NONO: variants seen among roughly 807,000 people sequenced by gnomAD.
The protein encoded by NONO is non-POU domain-containing octamer-binding protein.
Under a neutral mutation model 40.2 loss-of-function variants are expected in NONO, and 6 were observed. That is an observed-to-expected ratio of 0.15 (90% CI 0.08 to 0.29). The LOEUF (loss-of-function observed/expected upper bound fraction) is 0.29. NONO is among the 10% of genes least tolerant of loss of function. The pLI is 1.00. For synonymous variants in NONO, 89 were observed against 123.3 expected, an observed-to-expected ratio of 0.72 and a Z score of 1.85; for missense variants, 133 against 397.8, an observed-to-expected ratio of 0.33 and a Z score of 5.66.
Position 71,300,366 on chromosome X carries a change from C to A in NONO, c.*290C>A. 3.1e-6 allele frequency: 1 copy of A among 326,752 alleles called. No individual in the cohort carries two copies. The highest frequency in any genetic ancestry group is 9.0e-4 in the Middle Eastern group (1 of 1,114). 26.9% of individuals were successfully genotyped at this position (326,752 alleles called of 1,213,427 possible). ...ATGGCAAAGTGGATCCAGTTAGAGCCCATTAATCTTGATCATTCCGGTTTT... is the reference window on the plus strand; with the variant it reads ...ATGGCAAAGTGGATCCAGTTAGAGCACATTAATCTTGATCATTCCGGTTTT... On this transcript the variant is annotated 3_prime_UTR_variant, in exon 12 of 12. Coordinates refer to ENST00000276079, the MANE Select transcript of NONO (RefSeq NM_007363.5).
intron 5 of NONO, among the ~76,000 whole-genome samples, chrX:71,295,772 C>G (rs984185550): frequency 9.0e-6 from 1 of 111,491 alleles, no homozygotes; most frequent in Non-Finnish European, 1.9e-5. Context: ...GCCTGGGCGA[C>G]AGAGGAAGAC....
Position 71,300,449 on chromosome X carries a change from C to T in NONO, c.*373C>T. Reference sequence around the variant, plus strand: ...GCCCCGCCCCCGAGACGGAGTCTTACTCTGTCGCCCAGGCTGGAGTGTAGT... The same window carrying T: ...GCCCCGCCCCCGAGACGGAGTCTTATTCTGTCGCCCAGGCTGGAGTGTAGT... On this transcript the variant is annotated 3_prime_UTR_variant, in exon 12 of 12. Coordinates refer to ENST00000276079, the MANE Select transcript of NONO (RefSeq NM_007363.5). 2 of 248,856 alleles carry T rather than the reference C, an allele frequency of 8.0e-6. No homozygotes were observed. Among genetic ancestry groups the T allele is most frequent in the Non-Finnish European group, 7.1e-6 (1 of 140,855 alleles). 20.5% of individuals were successfully genotyped at this position (248,856 alleles called of 1,213,427 possible). A position where few individuals can be genotyped will look rare whatever the true frequency, so the allele number is the denominator to read the frequency against.
chrX:71,294,520 G>C lies in NONO; in HGVS notation c.642G>C (p.Leu214=), dbSNP rs145511145. ...ALDRCSEGSF[L]LTTFPRPVTV... ...ACAGATGCAGTGAAGGCTCCTTCCT[G>C]CTAACCACGTAAGTGAGGGTCATTT... The change falls in exon 5 of 12, where the codon CTG becomes CTC. Residue 214 remains leucine (L), a synonymous_variant. Transcript: ENST00000276079. 2.8e-5 allele frequency: 34 copies of C among 1,203,861 alleles called. No individual in the cohort carries two copies. In the African/African-American group the frequency reaches 5.9e-4, roughly 21 times the overall value.
intron 4 of NONO, 162 bp downstream of exon 4, chrX:71,292,134 T>C: frequency 2.6e-6 from 1 of 391,757 alleles, no homozygotes; most frequent in East Asian, 4.3e-5. Context: ...TTTTTCCTCA[T>C]AAGTTTTGTT....
At chrX:71,297,559 T>C in intron 8 of NONO, 98 bp downstream of exon 8, 1 of 645,074 alleles carries the variant, frequency 1.6e-6, no homozygotes, top group Admixed American at 3.7e-5. Context: ...TATAAATGTG[T>C]TGGCAAATAT....
chrX:71,284,715 T>C (rs2031151029), intron 2 of NONO, among the ~76,000 whole-genome samples: 2 of 112,172 alleles, frequency 1.8e-5, no homozygotes, highest in Non-Finnish European at 3.8e-5. Flanking sequence ...AGAAGGACCT[T>C]AGTTCATTTT....
chrX:71,284,485 C>G (rs1443769329), intron 2 of NONO, 32 bp downstream of exon 2: 1 of 111,740 alleles, frequency 8.9e-6, no homozygotes, highest in South Asian at 3.7e-4. Flanking sequence ...GGTTGCCAGA[C>G]AAAACACCGG....
intron 4 of NONO, 167 bp from the exon 5 acceptor site, chrX:71,294,060 G>T: frequency 2.1e-6 from 1 of 483,129 alleles, no homozygotes; most frequent in Non-Finnish European, 3.4e-6. Flanking sequence ...AGCAAACTAG[G>T]GTGGCCAAAG....
At chrX:71,288,553 C>T (rs1196706520) in intron 2 of NONO, among the ~76,000 whole-genome samples, 3 of 111,810 alleles carry the variant, frequency 2.7e-5, no homozygotes, top group Non-Finnish European at 3.8e-5. Flanking sequence ...CACCACACCC[C>T]GCTAATTTTT....
At chrX:71,299,123 T>C (rs1164486623) in intron 11 of NONO, among the ~76,000 whole-genome samples, 1 of 111,905 alleles carries the variant, frequency 8.9e-6, no homozygotes, top group Non-Finnish European at 1.9e-5. Flanking sequence ...GGTTACACCA[T>C]GTTGGCCAGG....
chrX:71,299,831 C>T (rs2031537969), intron 11 of NONO, 111 bp from the exon 12 acceptor site: 3 of 966,733 alleles, frequency 3.1e-6, no homozygotes, highest in South Asian at 4.5e-5. Flanking sequence ...TACCTACCAT[C>T]AGGAGCCTTG....
chrX:71,298,751 G>A lies in NONO; in HGVS notation c.1216G>A (p.Val406Met). 8.3e-7 allele frequency: 1 copy of A among 1,208,740 alleles called. No homozygotes were observed. The highest frequency in any genetic ancestry group is 1.1e-6 in the Non-Finnish European group (1 of 893,946). The change falls in exon 11 of 12, where the codon GTG (valine) becomes ATG (methionine). Residue 406 changes from valine (V) to methionine (M), a missense_variant. Val to Met is a conservative substitution (Grantham distance 21). Around this residue, in one of 3 missense-constraint regions of NONO, gnomAD observed 73 missense variants for 162.2 expected, o/e 0.45. Transcript: ENST00000276079. ...CAGAGGTGCCATGCCCCCTGCTCCTGTGCCAGCTGGTACCCCAGCTCCTCC... is the reference window on the plus strand; with the variant it reads ...CAGAGGTGCCATGCCCCCTGCTCCTATGCCAGCTGGTACCCCAGCTCCTCC... ...NNRGAMPPAP[V>M]PAGTPAPPGP...
In NONO at chrX:71,290,753, C is replaced by T. The variant is rs755285551; in HGVS notation, c.116C>T (p.Pro39Leu). Residue 39 changes from proline (P) to leucine (L), a missense_variant, in exon 3 of 12, where the codon CCG (proline) becomes CTG (leucine). By Grantham distance (98) the Pro-to-Leu change is moderately conservative. Coordinates refer to ENST00000276079, the MANE Select transcript of NONO (RefSeq NM_007363.5). ...CAGCAACAGCAGCAGCCGCCACCACCGCCAATACCTGCAAATGGGCAACAG... is the reference window on the plus strand; with the variant it reads ...CAGCAACAGCAGCAGCCGCCACCACTGCCAATACCTGCAAATGGGCAACAG... ...HQQQQQQPPP[P>L]PIPANGQQAS... 6.7e-6 allele frequency: 8 copies of T among 1,189,845 alleles called. No individual in the cohort carries two copies. The highest frequency in any genetic ancestry group is 4.6e-5 in the Admixed American group (2 of 43,265).
At chrX:71,293,593 A>C (rs1187364156) in intron 4 of NONO, among the ~76,000 whole-genome samples, 1 of 109,208 alleles carries the variant, frequency 9.2e-6, no homozygotes, top group African/African-American at 3.3e-5. Flanking sequence ...GAAAAAAAAA[A>C]CTAAAATATT....
At chrX:71,288,974 C>T (rs1037368786) in intron 2 of NONO, among the ~76,000 whole-genome samples, 2 of 112,166 alleles carry the variant, frequency 1.8e-5, no homozygotes, top group African/African-American at 6.5e-5. Flanking sequence ...GTTATTTCCA[C>T]GGTATGTACT....
chrX:71,286,748 ATTG>A (rs904055887), intron 2 of NONO, among the ~76,000 whole-genome samples: 1 of 111,785 alleles, frequency 8.9e-6, no homozygotes, highest in African/African-American at 3.2e-5. Flanking sequence ...AGTCATTTTT[ATTG>A]TTTTCTTACC....
chrX:71,298,445 T>C (rs2031500913), intron 9 of NONO, 24 bp from the exon 10 acceptor site: 9 of 1,198,602 alleles, frequency 7.5e-6, no homozygotes, highest in Non-Finnish European at 1.0e-5. Flanking sequence ...TCTTGGACTG[T>C]CTTGAGTATT....
At chrX:71,295,084 A>G (rs2031407456) in intron 5 of NONO, among the ~76,000 whole-genome samples, 1 of 106,454 alleles carries the variant, frequency 9.4e-6, no homozygotes, top group Non-Finnish European at 1.9e-5. Flanking sequence ...TAAAAATACC[A>G]AAATTAGCGC....
intron 2 of NONO, among the ~76,000 whole-genome samples, chrX:71,288,263 T>G (rs1307124860): frequency 9.4e-6 from 1 of 106,837 alleles, no homozygotes; most frequent in Non-Finnish European, 1.9e-5. Context: ...CCTGTCTAAT[T>G]TTTTTAATAC....
Sources: allele counts gnomAD v4.1 joint callset (sites outside exome capture counted in the v4.1 genomes callset), GRCh38; gene constraint gnomAD v4.1.1; regional missense constraint gnomAD v4.1.1; transcripts MANE v1.5; gene names NCBI Gene and HGNC (gene_info 2026-07-23, HGNC 2026-07-21).